Variants in SLC22A4 observed in about 807,000 individuals in gnomAD.
SLC22A4 encodes solute carrier family 22 member 4, also known as ET transporter.
SLC22A4 carries 39 observed loss-of-function variants against 56.6 expected under a neutral mutation model. The ratio of observed to expected loss-of-function variants is 0.69; its 90% CI spans 0.53 to 0.90. The LOEUF is 0.90. Among genes scored for constraint, SLC22A4 ranks in the 40% least tolerant of loss-of-function variants. The probability of loss-of-function intolerance (pLI) is 0.00; values close to 1 mark genes in which losing one functional copy is unlikely to be tolerated. For synonymous variants in SLC22A4, 241 were observed against 281.4 expected, an observed-to-expected ratio of 0.86 and a Z score of 1.44; for missense variants, 594 against 696.5, an observed-to-expected ratio of 0.85 and a Z score of 1.66.
intron 5 of SLC22A4, 93 bp downstream of exon 5, chr5:132,327,496 A>G: frequency 1.8e-6 from 2 of 1,085,284 alleles, no homozygotes; most frequent in Non-Finnish European, 1.4e-6. Flanking sequence ...AGTGCCCACT[A>G]TGTACCAGGC....
intron 1 of SLC22A4, among the ~76,000 whole-genome samples, chr5:132,307,754 C>G (rs1342340977): frequency 6.6e-6 from 1 of 152,172 alleles, no homozygotes; most frequent in African/African-American, 2.4e-5. Context: ...TCCAAAGTTG[C>G]AGACCCCGAG....
Position 132,322,295 on chromosome 5 carries a change from A to C in SLC22A4, c.764A>C (p.Asp255Ala), listed in dbSNP as rs1457903578. 2.5e-6 allele frequency: 4 copies of C among 1,613,952 alleles called. No individual in the cohort carries two copies. Among genetic ancestry groups the C allele is most frequent in the Non-Finnish European group, 3.4e-6 (4 of 1,180,008 alleles). Residue 255 changes from aspartate to alanine, a missense_variant, in exon 4 of 10, where the codon GAC becomes GCC. Physicochemically the swap from Asp to Ala is moderately radical, Grantham distance 126. Coordinates refer to ENST00000200652, the MANE Select transcript of SLC22A4 (RefSeq NM_003059.3). ...CCACTGTTTGCTTACTTCATCAGAGACTGGCGGATGCTGCTGCTGGCGCTG... is the reference window on the plus strand; with the variant it reads ...CCACTGTTTGCTTACTTCATCAGAGCCTGGCGGATGCTGCTGCTGGCGCTG... ...LLPLFAYFIR[D>A]WRMLLLALTV...
chr5:132,329,068 TG>T (rs764084199), intron 5 of SLC22A4, among the ~76,000 whole-genome samples: 165 of 152,128 alleles, frequency 1.1e-3, no homozygotes, highest in Admixed American at 3.3e-3. Context: ...CCTCCCAAGC[TG>T]GGACTACAGG....
chr5:132,336,075 A>G, intron 8 of SLC22A4, 75 bp downstream of exon 8: 1 of 1,470,908 alleles, frequency 6.8e-7, no homozygotes, highest in South Asian at 1.1e-5. Context: ...CATTGTGAAA[A>G]TGTCAAATAG....
intron 1 of SLC22A4, among the ~76,000 whole-genome samples, chr5:132,310,601 G>A (rs1335643135): frequency 1.3e-5 from 2 of 152,174 alleles, no homozygotes; most frequent in African/African-American, 2.4e-5. Context: ...TTCCTGGCCC[G>A]AGTTGTTTTT....
In SLC22A4 at chr5:132,339,501, C is replaced by CACACA. The variant is rs1554084162; in HGVS notation, c.1445-1062_1445-1061insACAAC. Among the ~76,000 whole-genome samples the CACACA allele has an allele frequency of 4.6e-3, 696 of 152,014 alleles. 2 individuals are homozygous for CACACA. Among genetic ancestry groups the CACACA allele is most frequent in the Non-Finnish European group, 7.7e-3 (521 of 67,964 alleles). On this transcript the variant is annotated intron_variant, in intron 8 of 9. Coordinates refer to ENST00000200652, the MANE Select transcript of SLC22A4 (RefSeq NM_003059.3). Reference sequence around the variant, plus strand: ...ACACACACACACACACACACACACACACCTGAAAACATGTATGAATTCTCA... The same window carrying CACACA: ...ACACACACACACACACACACACACACACACAACCTGAAAACATGTATGAATTCTCA...
intron 8 of SLC22A4, among the ~76,000 whole-genome samples, chr5:132,337,926 G>C (rs1751077284): frequency 2.0e-5 from 3 of 147,500 alleles, no homozygotes. Context: ...TGTATTTTTA[G>C]TAGAGATGGG....
chr5:132,311,441 G>C (rs1750176206), intron 1 of SLC22A4: 1 of 152,368 alleles, frequency 6.6e-6, no homozygotes, highest in South Asian at 2.1e-4. Flanking sequence ...GGACTTGTTA[G>C]GGCAGCAGCA....
chr5:132,322,233 A>C lies in SLC22A4; in HGVS notation c.702A>C (p.Gly234=). The change falls in exon 4 of 10, where the codon GGA becomes GGC. Residue 234 remains glycine, a synonymous_variant. Coordinates refer to ENST00000200652, the MANE Select transcript of SLC22A4 (RefSeq NM_003059.3). ...KSVRIIFSTL[G]VCTFFAVGYM... The stretch of plus-strand genomic sequence containing the variant: ...TTCGTATTATATTCTCTACATTAGG[A>C]GTGTGCACATTTTTTGCAGTTGGCT... The C allele has an allele frequency of 6.2e-7, 1 of 1,613,966 alleles. No individual in the cohort carries two copies.
intron 8 of SLC22A4, among the ~76,000 whole-genome samples, chr5:132,337,330 T>TTAG (rs1751056020): frequency 6.7e-6 from 1 of 148,304 alleles, no homozygotes; most frequent in African/African-American, 2.5e-5. Flanking sequence ...AGTGGTGCGA[T>TTAG]CCTAGATTCC....
intron 2 of SLC22A4, among the ~76,000 whole-genome samples, chr5:132,313,095 G>A (rs1352636932): frequency 6.6e-6 from 1 of 152,224 alleles, no homozygotes; most frequent in Admixed American, 6.5e-5. Flanking sequence ...ACTCATCTGG[G>A]AAACTTTCCC....
chr5:132,308,414 A>G (rs534787669), intron 1 of SLC22A4, among the ~76,000 whole-genome samples: 166 of 111,526 alleles, frequency 1.5e-3, no homozygotes, highest in African/African-American at 5.4e-3. Context: ...TTTTTTACCA[A>G]TTCACTAGGA....
At chr5:132,334,047 G>A (rs1445643424) in intron 6 of SLC22A4, among the ~76,000 whole-genome samples, 1 of 152,146 alleles carries the variant, frequency 6.6e-6, no homozygotes, top group Non-Finnish European at 1.5e-5. Context: ...GACCTCAGGT[G>A]ATTTGCCTGC....
intron 1 of SLC22A4, among the ~76,000 whole-genome samples, chr5:132,308,702 G>A (rs950099139): frequency 2.0e-5 from 3 of 152,096 alleles, no homozygotes; most frequent in Non-Finnish European, 2.9e-5. Context: ...AAGGCCATGC[G>A]GCCCAGCTAA....
intron 1 of SLC22A4, among the ~76,000 whole-genome samples, chr5:132,309,597 AT>A (rs1426066868): frequency 3.9e-5 from 6 of 152,150 alleles, no homozygotes; most frequent in Non-Finnish European, 8.8e-5. Flanking sequence ...CATCTGCTTC[AT>A]TTCCTGGAGG....
intron 3 of SLC22A4, among the ~76,000 whole-genome samples, chr5:132,315,932 G>A (rs866760088): frequency 8.5e-5 from 13 of 152,322 alleles, no homozygotes; most frequent in Non-Finnish European, 1.5e-4. Flanking sequence ...ATGGCTGGAC[G>A]CCCCAGTCAG....
intron 1 of SLC22A4, among the ~76,000 whole-genome samples, chr5:132,301,693 A>G (rs1749911529): frequency 6.6e-6 from 1 of 152,204 alleles, no homozygotes; most frequent in South Asian, 2.1e-4. Context: ...GAATAATGAA[A>G]CAGACTAACC....
chr5:132,306,233 A>G (rs1443116652), intron 1 of SLC22A4, among the ~76,000 whole-genome samples: 1 of 151,524 alleles, frequency 6.6e-6, no homozygotes. Flanking sequence ...TACTATGTAT[A>G]TACCCCAAAG....
chr5:132,314,980 G>A (rs1750296346), intron 3 of SLC22A4, among the ~76,000 whole-genome samples: 1 of 152,168 alleles, frequency 6.6e-6, no homozygotes, highest in Non-Finnish European at 1.5e-5. Context: ...TTCCTGCAGG[G>A]GGAAGGAGCG....
Sources: gnomAD v4.1 joint callset for allele counts (sites outside exome capture counted in the v4.1 genomes callset) on GRCh38, gnomAD v4.1.1 for gene constraint, MANE v1.5 for transcripts, NCBI Gene and HGNC (gene_info 2026-07-23, HGNC 2026-07-21) for gene names.